The following TRAF2 variants were observed in gnomAD, a reference collection of about 807,000 sequenced individuals.
The protein encoded by TRAF2 is TNF receptor associated factor 2.
A neutral mutation model predicts 55.6 loss-of-function variants in TRAF2; 6 were observed. The ratio of observed to expected loss-of-function variants is 0.11; its 90% confidence interval spans 0.06 to 0.21. The LOEUF (loss-of-function observed/expected upper bound fraction) is 0.21. Ranked by LOEUF, TRAF2 falls within the 10% of genes least tolerant of loss-of-function variation. The pLI, the probability that TRAF2 is intolerant of heterozygous loss-of-function variation, is 1.00. For synonymous variants in TRAF2, 329 were observed against 276.3 expected, an observed-to-expected ratio of 1.19 and a Z score of -1.89; for missense variants, 561 against 684.5, an observed-to-expected ratio of 0.82 and a Z score of 2.01.
At chr9:136,884,744 T>A (rs1849415020), upstream of TRAF2, among the ~76,000 whole-genome samples, 1 of 152,216 alleles carries the variant, frequency 6.6e-6, no homozygotes, top group African/African-American at 2.4e-5. Flanking sequence ...CTTTTTTTGG[T>A]AGAGATGGGG....
chr9:136,906,928 G>A (rs552276516), intron 4 of TRAF2, among the ~76,000 whole-genome samples: 32 of 152,354 alleles, frequency 2.1e-4, no homozygotes, highest in African/African-American at 6.5e-4. Context: ...CTTAGAGTCT[G>A]TGAGAGGTGC....
At chr9:136,913,001 C>T (rs1850153590) in intron 6 of TRAF2, among the ~76,000 whole-genome samples, 1 of 152,060 alleles carries the variant, frequency 6.6e-6, no homozygotes, top group African/African-American at 2.4e-5. Flanking sequence ...GGTGTGGTGG[C>T]ACAGGCACTC....
At chr9:136,919,042 A>ATATTTAGTTATTTATTTATTTATT (rs1850316553) in intron 7 of TRAF2, among the ~76,000 whole-genome samples, 1 of 138,326 alleles carries the variant, frequency 7.2e-6, no homozygotes, top group African/African-American at 2.7e-5. Flanking sequence ...GCCTATTTTA[A>ATATTTAGTTATTTATTTATTTATT]TATTTATTTA....
intron 4 of TRAF2, among the ~76,000 whole-genome samples, chr9:136,901,085 C>T (rs1849809787): frequency 7.3e-6 from 1 of 137,172 alleles, no homozygotes; most frequent in Non-Finnish European, 1.6e-5. Context: ...CTTCACTTGG[C>T]TGTGGTTTGT....
intron 6 of TRAF2, among the ~76,000 whole-genome samples, chr9:136,911,846 C>CCTTTTTTTT (rs1850115128): frequency 1.4e-5 from 1 of 71,446 alleles, no homozygotes; most frequent in Non-Finnish European, 2.4e-5. Context: ...TCTCTTATCT[C>CCTTTTTTTT]TTTTTTTTTT....
chr9:136,884,473 T>C (rs1849410478), upstream of TRAF2, among the ~76,000 whole-genome samples: 2 of 152,004 alleles, frequency 1.3e-5, no homozygotes, highest in African/African-American at 4.8e-5. Flanking sequence ...GGCAGGAGAA[T>C]TTCTTGAACC....
At chr9:136,916,396 G>C in intron 6 of TRAF2, 145 bp from the exon 7 acceptor site, 2 of 735,532 alleles carry the variant, frequency 2.7e-6, no homozygotes, top group Non-Finnish European at 4.8e-6. Flanking sequence ...TTTGGAAATG[G>C]GCTGTTGGGT....
chr9:136,898,478 A>G lies in TRAF2; in HGVS notation c.-28-235A>G, dbSNP rs17243795. 2.5e-4 allele frequency: 162 copies of G among 657,628 alleles called. No homozygotes were observed. In the African/African-American group the frequency reaches 2.9e-3, roughly 12 times the overall value. 40.7% of individuals were successfully genotyped at this position (657,628 alleles called of 1,614,324 possible). On this transcript the variant is annotated intron_variant, in intron 1 of 10. Coordinates refer to ENST00000247668, the MANE Select transcript of TRAF2 (RefSeq NM_021138.4). ...GCTGTGGGTTGGTTGTGTGGATGCC[A>G]GCTGTGTGGTCCCCAGCCTCACTGA... is the stretch of plus-strand genomic sequence containing the variant.
intron 4 of TRAF2, 140 bp downstream of exon 4, chr9:136,900,660 C>T (rs569552079): frequency 7.7e-5 from 57 of 742,750 alleles, no homozygotes; most frequent in South Asian, 1.5e-4. Flanking sequence ...GAGGAAGAGA[C>T]GGAGCTGCTC....
At chr9:136,903,947 G>T (rs1849885151) in intron 4 of TRAF2, among the ~76,000 whole-genome samples, 1 of 152,172 alleles carries the variant, frequency 6.6e-6, no homozygotes, top group African/African-American at 2.4e-5. Context: ...CTCCCAAAGT[G>T]CTGGGATTAC....
rs757702053 is a variant in TRAF2 at position 136,908,081 on chromosome 9, A to G, written c.378A>G (p.Glu126=). The G allele has an allele frequency of 1.9e-6, 3 of 1,602,050 alleles. No homozygotes were observed. Among genetic ancestry groups the G allele is most frequent in the East Asian group, 2.2e-5 (1 of 44,848 alleles). ...GTLKEYESCH[E]GRCPLMLTEC... is the part of the protein sequence containing the mutation. Reference sequence around the variant, plus strand: ...CCTTTCGTTGCTAGAGCTGCCACGAAGGCCGCTGCCCGCTCATGCTGACCG... The same window carrying G: ...CCTTTCGTTGCTAGAGCTGCCACGAGGGCCGCTGCCCGCTCATGCTGACCG... The change falls in exon 5 of 11, where the codon GAA becomes GAG. Residue 126 remains glutamate, a synonymous_variant. Coordinates refer to ENST00000247668, the MANE Select transcript of TRAF2 (RefSeq NM_021138.4).
Position 136,917,718 on chromosome 9 carries a change from T to G in TRAF2, c.678+1103T>G, listed in dbSNP as rs145028966. 9.2e-5 allele frequency among the ~76,000 whole-genome samples: 14 copies of G among 152,346 alleles called. No homozygotes were observed. The East Asian group carries it at 2.3e-3, about 25-fold the overall frequency. On this transcript the variant is annotated intron_variant, in intron 7 of 10. Transcript: ENST00000247668. Reference sequence around the variant, plus strand: ...TGTGGCCTTAGGTATTGTGTTTTTTTCCTAATGGTGAAAAGGAGCGTGGCT... The same window carrying G: ...TGTGGCCTTAGGTATTGTGTTTTTTGCCTAATGGTGAAAAGGAGCGTGGCT...
At chr9:136,910,989 G>T (rs1277831278) in intron 6 of TRAF2, among the ~76,000 whole-genome samples, 1 of 152,240 alleles carries the variant, frequency 6.6e-6, no homozygotes, top group East Asian at 1.9e-4. Flanking sequence ...CCTGCCTGGG[G>T]CCCGTGTCTG....
At chr9:136,912,665 C>T (rs1050208017) in intron 6 of TRAF2, among the ~76,000 whole-genome samples, 2 of 152,080 alleles carry the variant, frequency 1.3e-5, no homozygotes, top group African/African-American at 4.8e-5. Context: ...GGTGAAACTC[C>T]GTCTCTACTG....
chr9:136,896,546 G>A (rs895940132), intron 1 of TRAF2, among the ~76,000 whole-genome samples: 7 of 152,334 alleles, frequency 4.6e-5, no homozygotes, highest in Admixed American at 2.6e-4. Context: ...GCCAGCACGT[G>A]TGAACAATCT....
At chr9:136,915,497 C>T (rs17244103) in intron 6 of TRAF2, among the ~76,000 whole-genome samples, 56 of 152,002 alleles carry the variant, frequency 3.7e-4, no homozygotes, top group African/African-American at 1.3e-3. Flanking sequence ...ACTGAACACG[C>T]GCGGACATTT....
chr9:136,921,712 C>T (rs1394221109), intron 9 of TRAF2, among the ~76,000 whole-genome samples: 1 of 148,102 alleles, frequency 6.8e-6, no homozygotes, highest in Admixed American at 6.7e-5. Flanking sequence ...TTTTTTTAAA[C>T]CCCAACTATG....
Position 136,926,237 on chromosome 9 carries a change from G to C in TRAF2, c.*336G>C. ...CCCTGGGTGGGGGACACTCAGAGTG[G>C]GAGCACATCCCAGCAGTGCCCATGT... On this transcript the variant is annotated 3_prime_UTR_variant, in exon 11 of 11. Transcript: ENST00000247668. 2.2e-6 allele frequency: 1 copy of C among 444,494 alleles called. No individual in the cohort carries two copies. The highest frequency in any genetic ancestry group is 1.9e-5 in the South Asian group (1 of 53,040). The allele number at this position is 444,494 out of a possible 1,614,324, so 27.5% of individuals were successfully genotyped here.
chr9:136,895,982 C>T (rs1849671604), intron 1 of TRAF2, among the ~76,000 whole-genome samples: 1 of 152,150 alleles, frequency 6.6e-6, no homozygotes, highest in South Asian at 2.1e-4. Flanking sequence ...GCCTGTCAGT[C>T]CCTGCCTCCC....
Sources: allele counts gnomAD v4.1 joint callset (sites outside exome capture counted in the v4.1 genomes callset), GRCh38; gene constraint gnomAD v4.1.1; transcripts MANE v1.5; gene names NCBI Gene and HGNC (gene_info 2026-07-23, HGNC 2026-07-21).